RCOR3: variants seen among roughly 807,000 people sequenced by gnomAD.
RCOR3 encodes REST corepressor 3.
RCOR3 carries 13 observed loss-of-function variants against 64.1 expected under a neutral mutation model. That is an observed-to-expected ratio of 0.20 (90% CI 0.13 to 0.32). The LOEUF (loss-of-function observed/expected upper bound fraction) is 0.32. RCOR3 is among the 10% of genes least tolerant of loss of function. The pLI, the probability that RCOR3 is intolerant of heterozygous loss-of-function variation, is 1.00. For missense variants in RCOR3, 489 were observed against 701.2 expected, an observed-to-expected ratio of 0.70 and a Z score of 3.42; for synonymous variants, 215 against 239.0, an observed-to-expected ratio of 0.90 and a Z score of 0.93.
At chr1:211,288,592 A>T (rs952983982) in intron 7 of RCOR3, among the ~76,000 whole-genome samples, 1 of 147,256 alleles carries the variant, frequency 6.8e-6, no homozygotes, top group South Asian at 2.1e-4. Context: ...TTTATTTATT[A>T]TATTTATTAT....
rs1701732558 is a variant in RCOR3 at position 211,313,955 on chromosome 1, C to A, written c.*187C>A. The A allele has an allele frequency of 3.3e-6, 2 of 603,790 alleles. No homozygotes were observed. The highest frequency in any genetic ancestry group is 2.1e-5 in the South Asian group (1 of 47,116). The allele number at this position is 603,790 out of a possible 1,614,324, so 37.4% of individuals were successfully genotyped here. ...CAGTTCACTAGACTAAAATGTTTTACAACAAAAAGCCTCCAGTTAGCCTCC... is the reference window on the plus strand; with the variant it reads ...CAGTTCACTAGACTAAAATGTTTTAAAACAAAAAGCCTCCAGTTAGCCTCC... On this transcript the variant is annotated 3_prime_UTR_variant, in exon 12 of 12. Transcript: ENST00000419091. The surrounding 1 kb of genome is among the most constrained non-coding windows in gnomAD (Gnocchi z 4.7).
At chr1:211,304,403 A>G (rs146800333) in intron 10 of RCOR3, among the ~76,000 whole-genome samples, 5 of 152,180 alleles carry the variant, frequency 3.3e-5, no homozygotes, top group African/African-American at 9.7e-5. Flanking sequence ...AAAAAGTCAC[A>G]TGGGCTCTCT....
chr1:211,308,698 T>TTTGTGTG (rs1701171863), intron 10 of RCOR3, among the ~76,000 whole-genome samples: 1 of 40,866 alleles, frequency 2.4e-5, no homozygotes, highest in African/African-American at 6.9e-5. Flanking sequence ...TTTTTTTTTT[T>TTTGTGTG]TGTGTAGTCC....
At chr1:211,304,198 T>G in intron 10 of RCOR3, 58 bp downstream of exon 10, 1 of 1,258,532 alleles carries the variant, frequency 7.9e-7, no homozygotes, top group Non-Finnish European at 1.1e-6. Context: ...TCATGAAAGG[T>G]GACTACTCTA....
intron 2 of RCOR3, among the ~76,000 whole-genome samples, chr1:211,263,806 GT>G (rs971132743): frequency 9.3e-6 from 1 of 106,994 alleles, no homozygotes; most frequent in African/African-American, 3.5e-5. Flanking sequence ...TAGATGAAAA[GT>G]TTTTTTTGTT....
chr1:211,267,923 T>TA (rs1459875517), intron 2 of RCOR3: 29 of 348,822 alleles, frequency 8.3e-5, no homozygotes, highest in Non-Finnish European at 2.2e-5. Flanking sequence ...GGGAAAAATT[T>TA]AAAAAAAGTT....
At chr1:211,293,067 G>C (rs1265676867) in intron 8 of RCOR3, among the ~76,000 whole-genome samples, 4 of 142,824 alleles carry the variant, frequency 2.8e-5, no homozygotes, top group African/African-American at 8.1e-5. Context: ...CTGGGCGACA[G>C]AGTGAGACTC....
chr1:211,262,926 G>T (rs1452861565), intron 2 of RCOR3, among the ~76,000 whole-genome samples: 1 of 149,902 alleles, frequency 6.7e-6, no homozygotes, highest in Non-Finnish European at 1.5e-5. Flanking sequence ...CAATGTGCAG[G>T]TTAGTTACAT....
At chr1:211,311,913 C>T (rs890120013) in intron 10 of RCOR3, among the ~76,000 whole-genome samples, 31 of 152,194 alleles carry the variant, frequency 2.0e-4, no homozygotes, top group Non-Finnish European at 3.8e-4. Context: ...AATGAAACTT[C>T]CTTAGTGTAA....
chr1:211,316,115 T>C lies in RCOR3; in HGVS notation c.*2347T>C, dbSNP rs1431717646. On this transcript the variant is annotated 3_prime_UTR_variant, in exon 12 of 12. Transcript: ENST00000419091. ...ATAATGATTTTTATAAAAGCAAAAC[T>C]AGAAATCTTTTAATGACAATTTTCA... 1.3e-5 allele frequency: 2 copies of C among 152,186 alleles called. No homozygotes were observed. The highest frequency in any genetic ancestry group is 4.8e-5 in the African/African-American group (2 of 41,454). 9.4% of individuals were successfully genotyped at this position (152,186 alleles called of 1,614,324 possible).
intron 8 of RCOR3, among the ~76,000 whole-genome samples, chr1:211,289,800 G>C (rs958628979): frequency 2.0e-5 from 3 of 152,158 alleles, no homozygotes; most frequent in Admixed American, 6.5e-5. Flanking sequence ...ATCATTATCA[G>C]TAGTAGTACT....
Position 211,260,097 on chromosome 1 carries a change from T to C in RCOR3, c.167-11T>C. ...TATTTTTTATATATATTTTTTGGCA[T>C]TGCTTTGCAGATGTTGGGATGAGAG... On this transcript the variant is annotated splice_polypyrimidine_tract_variant and intron_variant, in intron 1 of 11. Transcript: ENST00000419091. The C allele has an allele frequency of 6.3e-7, 1 of 1,598,112 alleles. No homozygotes were observed. The highest frequency in any genetic ancestry group is 8.5e-7 in the Non-Finnish European group (1 of 1,171,608).
chr1:211,278,038 T>TA, intron 5 of RCOR3, 79 bp from the exon 6 acceptor site: 1 of 1,299,092 alleles, frequency 7.7e-7, no homozygotes, highest in Non-Finnish European at 1.1e-6. Context: ...ATGCCTTTAC[T>TA]AAATAGTAAA....
intron 7 of RCOR3, among the ~76,000 whole-genome samples, chr1:211,282,943 T>G (rs183436096): frequency 6.6e-6 from 1 of 151,534 alleles, no homozygotes; most frequent in African/African-American, 2.4e-5. Flanking sequence ...TATTTCATAC[T>G]TTATTTAATT....
intron 5 of RCOR3, among the ~76,000 whole-genome samples, chr1:211,276,718 T>C (rs973515175): frequency 3.3e-5 from 5 of 152,214 alleles, no homozygotes; most frequent in African/African-American, 1.2e-4. Flanking sequence ...TCAACTTTAT[T>C]TTTAAATGTT....
intron 2 of RCOR3, among the ~76,000 whole-genome samples, chr1:211,268,973 ATAT>A (rs1170421782): frequency 2.0e-5 from 3 of 152,302 alleles, no homozygotes; most frequent in Admixed American, 2.0e-4. Flanking sequence ...ATATTTAATG[ATAT>A]TATATTATTG....
rs370758865 is a variant in RCOR3, at chr1:211,293,574, A to G, written c.940-2102A>G. The stretch of plus-strand genomic sequence containing the variant: ...TCTTCCCCACCACCTGTTCATCAAC[A>G]TATATAGAAGCACATTTACTCTCTC... On this transcript the variant is annotated intron_variant, in intron 8 of 11. Coordinates refer to ENST00000419091, the MANE Select transcript of RCOR3 (RefSeq NM_001136223.3). 7.2e-5 allele frequency among the ~76,000 whole-genome samples: 11 copies of G among 152,326 alleles called. No individual in the cohort carries two copies. The East Asian group carries it at 2.1e-3, about 29-fold the overall frequency.
chr1:211,291,140 A>G (rs1375268943), intron 8 of RCOR3, among the ~76,000 whole-genome samples: 1 of 152,208 alleles, frequency 6.6e-6, no homozygotes, highest in African/African-American at 2.4e-5. Context: ...GAAACAGACT[A>G]TATTCACATA....
intron 9 of RCOR3, chr1:211,303,337 C>T (rs1343842537): frequency 6.6e-6 from 1 of 152,100 alleles, no homozygotes; most frequent in African/African-American, 2.4e-5. Context: ...ATTGCTAAGA[C>T]CATAAGTGAG....
Sources: gnomAD v4.1 joint callset for allele counts (sites outside exome capture counted in the v4.1 genomes callset) on GRCh38, gnomAD v4.1.1 for gene constraint, Gnocchi (gnomAD v3.1) non-coding constraint, MANE v1.5 for transcripts, NCBI Gene and HGNC (gene_info 2026-07-23, HGNC 2026-07-21) for gene names.